PDE4D: variants seen among roughly 807,000 people sequenced by gnomAD.
The protein encoded by PDE4D is 3',5'-cyclic-AMP phosphodiesterase 4D.
PDE4D carries 24 observed loss-of-function variants against 87.4 expected under a neutral mutation model. The ratio of observed to expected loss-of-function variants is 0.27; its 90% CI spans 0.20 to 0.39. PDE4D has a LOEUF of 0.39. Among genes scored for constraint, PDE4D ranks in the 10% least tolerant of loss-of-function variants. The pLI, the probability that PDE4D is intolerant of heterozygous loss-of-function variation, is 1.00. For synonymous variants in PDE4D, 384 were observed against 383.2 expected (o/e 1.00, Z -0.02); for missense variants, 714 against 1,041.0 (o/e 0.69, Z 4.32).
chr5:60,067,155 T>A (rs1431867711), intron 2 of PDE4D, among the ~76,000 whole-genome samples: 1 of 152,120 alleles, frequency 6.6e-6, no homozygotes, highest in Non-Finnish European at 1.5e-5. Flanking sequence ...TCAAGTCTCC[T>A]AAACCTAGAA....
chr5:58,998,664 A>G (rs4700315), intron 6 of PDE4D, among the ~76,000 whole-genome samples: 15,803 of 152,184 alleles, frequency 0.1, 1,287 homozygotes, highest in East Asian at 0.47. Context: ...AGCAAACGAC[A>G]AACACTCCAA....
At chr5:59,820,675 T>C (rs947579120) in intron 1 of PDE4D, among the ~76,000 whole-genome samples, 5 of 152,208 alleles carry the variant, frequency 3.3e-5, no homozygotes, top group East Asian at 1.9e-4. Flanking sequence ...TAATGGGACA[T>C]TGCAGTTGTT....
chr5:60,077,856 G>A (rs1485339193), intron 2 of PDE4D, among the ~76,000 whole-genome samples: 3 of 152,122 alleles, frequency 2.0e-5, no homozygotes, highest in Non-Finnish European at 4.4e-5. Flanking sequence ...AGAGTGGATC[G>A]CTCCTGGCCT....
chr5:59,136,234 A>G (rs1777058823), intron 5 of PDE4D, among the ~76,000 whole-genome samples: 1 of 152,178 alleles, frequency 6.6e-6, no homozygotes, highest in African/African-American at 2.4e-5. Context: ...ATTAAATTAG[A>G]TGGGGAAAAT....
At chr5:60,430,379 A>G (rs1744116482) in intron 1 of PDE4D, 3 of 390,712 alleles carry the variant, frequency 7.7e-6, no homozygotes, top group Non-Finnish European at 1.5e-5. Flanking sequence ...TCCTCCCTCT[A>G]CTCCAGCCCC....
intron 1 of PDE4D, among the ~76,000 whole-genome samples, chr5:59,568,381 G>A (rs1821289451): frequency 6.6e-6 from 1 of 152,136 alleles, no homozygotes; most frequent in Admixed American, 6.5e-5. Flanking sequence ...CAAATCTTCT[G>A]TGGAGAAGAA....
chr5:59,265,333 A>G (rs902938645), intron 1 of PDE4D, among the ~76,000 whole-genome samples: 2 of 151,966 alleles, frequency 1.3e-5, no homozygotes, highest in African/African-American at 4.8e-5. Flanking sequence ...TGCCACCTCC[A>G]CTAAGTAGTT....
At chr5:60,228,339 G>A (rs1745375752) in intron 1 of PDE4D, among the ~76,000 whole-genome samples, 1 of 152,092 alleles carries the variant, frequency 6.6e-6, no homozygotes. Flanking sequence ...ATTAGCAAAG[G>A]CTATGCAAAG....
At chr5:59,244,560 GTGTACACACATA>G (rs1431595639) in intron 1 of PDE4D, among the ~76,000 whole-genome samples, 1 of 148,590 alleles carries the variant, frequency 6.7e-6, no homozygotes, top group Non-Finnish European at 1.5e-5. Context: ...ATATGTATAC[GTGTACACACATA>G]TGTATACACA....
At chr5:59,324,561 C>T (rs945045477) in intron 1 of PDE4D, among the ~76,000 whole-genome samples, 6 of 152,018 alleles carry the variant, frequency 3.9e-5, no homozygotes, top group African/African-American at 7.2e-5. Flanking sequence ...TAAAAGAAGA[C>T]GTAAAAAGAA....
At chr5:59,881,815 T>C (rs1170691087) in intron 1 of PDE4D, among the ~76,000 whole-genome samples, 1 of 152,164 alleles carries the variant, frequency 6.6e-6, no homozygotes, top group Non-Finnish European at 1.5e-5. Context: ...TAATAAACAA[T>C]ATAAAGGAGC....
At chr5:60,059,681 G>C (rs1356908653) in intron 2 of PDE4D, among the ~76,000 whole-genome samples, 5 of 151,914 alleles carry the variant, frequency 3.3e-5, no homozygotes, top group Non-Finnish European at 5.9e-5. Context: ...AAGGGTACAG[G>C]AGTGACATGG....
intron 1 of PDE4D, among the ~76,000 whole-genome samples, chr5:60,501,197 G>C (rs1018200504): frequency 1.3e-5 from 2 of 151,778 alleles, no homozygotes; most frequent in South Asian, 2.1e-4. Flanking sequence ...TCCCCTTCCT[G>C]TGTCCATGTG....
chr5:59,004,836 G>A (rs1278219599), intron 6 of PDE4D, among the ~76,000 whole-genome samples: 1 of 152,148 alleles, frequency 6.6e-6, no homozygotes, highest in East Asian at 1.9e-4. Flanking sequence ...CAAGCACCAG[G>A]AGTACTCCCC....
At chr5:59,415,807 A>T (rs972178620) in intron 1 of PDE4D, among the ~76,000 whole-genome samples, 3 of 152,324 alleles carry the variant, frequency 2.0e-5, no homozygotes, top group Non-Finnish European at 1.5e-5. Context: ...GAGTTAAATA[A>T]AATATATCCT....
At chr5:59,197,942 T>C (rs568632132) in intron 2 of PDE4D, among the ~76,000 whole-genome samples, 4 of 152,262 alleles carry the variant, frequency 2.6e-5, no homozygotes, top group African/African-American at 4.8e-5. Flanking sequence ...ATGTAATAAA[T>C]TGGGGCTTCC....
At chr5:59,694,632 T>A (rs1049322392) in intron 1 of PDE4D, among the ~76,000 whole-genome samples, 2 of 152,200 alleles carry the variant, frequency 1.3e-5, no homozygotes, top group Non-Finnish European at 2.9e-5. Flanking sequence ...TGATAGGGAA[T>A]GTGCATCCAG....
chr5:59,837,091 A>G (rs1742238792), intron 1 of PDE4D, among the ~76,000 whole-genome samples: 1 of 151,920 alleles, frequency 6.6e-6, no homozygotes, highest in Non-Finnish European at 1.5e-5. Flanking sequence ...ACAGTTCTCC[A>G]TCTCTCATTC....
intron 1 of PDE4D, among the ~76,000 whole-genome samples, chr5:59,630,310 C>T (rs765090020): frequency 3.3e-5 from 5 of 152,144 alleles, no homozygotes; most frequent in South Asian, 2.1e-4. Context: ...TTGTATTTTA[C>T]GTGTCCAGCC....
Sources: gnomAD v4.1 joint callset for allele counts (sites outside exome capture counted in the v4.1 genomes callset) on GRCh38, gnomAD v4.1.1 for gene constraint, MANE v1.5 for transcripts, NCBI Gene and HGNC (gene_info 2026-07-23, HGNC 2026-07-21) for gene names.